Variants in UST observed in about 807,000 individuals in gnomAD.
The protein encoded by UST is uronyl 2-sulfotransferase.
In UST, 21 loss-of-function variants were observed where a neutral mutation model predicts 45.6. The ratio of observed to expected loss-of-function variants is 0.46; its 90% CI spans 0.33 to 0.66. The LOEUF is 0.66. Among genes scored for constraint, UST ranks in the 30% least tolerant of loss-of-function variants. The probability of loss-of-function intolerance (pLI) is 0.02; values close to 1 mark genes in which losing one functional copy is unlikely to be tolerated. For missense variants in UST, 463 were observed against 512.4 expected (o/e 0.90, Z 0.93); for synonymous variants, 215 against 200.6 (o/e 1.07, Z -0.61).
chr6:149,035,477 G>A (rs1012035259), intron 7 of UST, among the ~76,000 whole-genome samples: 8 of 152,056 alleles, frequency 5.3e-5, no homozygotes, highest in Admixed American at 3.3e-4. Flanking sequence ...AATTGCAGCC[G>A]GACATGGTGG....
chr6:149,004,670 G>A (rs1317398135), intron 5 of UST, among the ~76,000 whole-genome samples: 1 of 152,192 alleles, frequency 6.6e-6, no homozygotes, highest in Non-Finnish European at 1.5e-5. Flanking sequence ...AGATGAACCA[G>A]GAGTACTGAG....
chr6:148,763,885 T>C (rs1320518304), intron 1 of UST, among the ~76,000 whole-genome samples: 1 of 152,214 alleles, frequency 6.6e-6, no homozygotes. Flanking sequence ...ACCATGCTGT[T>C]TTGGTTACTA....
intron 3 of UST, among the ~76,000 whole-genome samples, chr6:148,946,672 G>A (rs1780245080): frequency 6.6e-6 from 1 of 150,578 alleles, no homozygotes; most frequent in Non-Finnish European, 1.5e-5. Flanking sequence ...AAATTAGCCG[G>A]GCGTGGTGGC....
At chr6:148,794,943 G>A (rs1027328271) in intron 1 of UST, among the ~76,000 whole-genome samples, 26 of 152,090 alleles carry the variant, frequency 1.7e-4, no homozygotes, top group Non-Finnish European at 2.8e-4. Context: ...CCTCTTTGAC[G>A]GCTGCGTTGT....
chr6:148,983,646 G>T (rs527519189), intron 5 of UST, among the ~76,000 whole-genome samples: 1 of 152,300 alleles, frequency 6.6e-6, no homozygotes, highest in African/African-American at 2.4e-5. Flanking sequence ...CAGGAAAAGC[G>T]AATGTAGGAA....
chr6:148,896,318 G>C (rs746650214), intron 2 of UST, among the ~76,000 whole-genome samples: 2 of 152,156 alleles, frequency 1.3e-5, no homozygotes, highest in Non-Finnish European at 2.9e-5. Flanking sequence ...CCATCCACCT[G>C]GTTTTCCTCT....
chr6:148,771,040 A>T lies in UST; in HGVS notation c.247+23363A>T, dbSNP rs117871201. On this transcript the variant is annotated intron_variant, in intron 1 of 7. Transcript: ENST00000367463. ...GTGATGTCACTGTGCCTTGTTGCTG[A>T]CATTTTCCTGTTATGATAGCCTTCT... is the stretch of plus-strand genomic sequence containing the variant. 6.8e-3 allele frequency among the ~76,000 whole-genome samples: 1,034 copies of T among 152,278 alleles called. 5 individuals carry two copies. The highest frequency in any genetic ancestry group is 0.034 in the Middle Eastern group (10 of 294).
intron 7 of UST, among the ~76,000 whole-genome samples, chr6:149,033,801 T>G (rs903443563): frequency 1.3e-4 from 20 of 152,224 alleles, no homozygotes; most frequent in African/African-American, 4.8e-4. Context: ...CTCCCTGCAT[T>G]TTTTGCTATA....
intron 1 of UST, among the ~76,000 whole-genome samples, chr6:148,789,394 T>C (rs1395204745): frequency 6.6e-6 from 1 of 151,750 alleles, no homozygotes; most frequent in Non-Finnish European, 1.5e-5. Context: ...AACCACACTT[T>C]TGAGTAGCAA....
intron 2 of UST, among the ~76,000 whole-genome samples, chr6:148,900,096 A>G (rs1418644654): frequency 6.6e-6 from 1 of 152,174 alleles, no homozygotes; most frequent in Non-Finnish European, 1.5e-5. Flanking sequence ...ATTTATTTAC[A>G]TACTTTTCTA....
At chr6:148,932,403 C>G (rs1779938831) in intron 2 of UST, among the ~76,000 whole-genome samples, 1 of 152,126 alleles carries the variant, frequency 6.6e-6, no homozygotes, top group Non-Finnish European at 1.5e-5. Flanking sequence ...CTGTAACATT[C>G]TGTGGTAATG....
At chr6:149,023,263 C>T (rs1582963923) in intron 7 of UST, among the ~76,000 whole-genome samples, 1 of 152,038 alleles carries the variant, frequency 6.6e-6, no homozygotes, top group African/African-American at 2.4e-5. Flanking sequence ...ATTATGGCTT[C>T]CAACTTTGTT....
At chr6:148,825,436 C>G (rs1345425530) in intron 1 of UST, among the ~76,000 whole-genome samples, 1 of 152,152 alleles carries the variant, frequency 6.6e-6, no homozygotes, top group Non-Finnish European at 1.5e-5. Flanking sequence ...AAGTTAGATA[C>G]AAAACATTTT....
intron 1 of UST, among the ~76,000 whole-genome samples, chr6:148,864,724 T>C (rs1160994484): frequency 6.6e-6 from 1 of 152,234 alleles, no homozygotes; most frequent in African/African-American, 2.4e-5. Flanking sequence ...TTAATAGTTA[T>C]CCTTGGTTGT....
chr6:149,040,835 C>T, intron 7 of UST, among the ~76,000 whole-genome samples: 1 of 152,112 alleles, frequency 6.6e-6, no homozygotes, highest in East Asian at 1.9e-4. Context: ...CTCCCAAGGC[C>T]TCTCCTTACT....
At chr6:149,042,423 G>T (rs1311443594) in intron 7 of UST, among the ~76,000 whole-genome samples, 2 of 152,222 alleles carry the variant, frequency 1.3e-5, no homozygotes, top group African/African-American at 4.8e-5. Context: ...TGGGCAGAGG[G>T]TTAAATCTTG....
At chr6:148,765,820 C>T (rs190618293) in intron 1 of UST, among the ~76,000 whole-genome samples, 136 of 152,308 alleles carry the variant, frequency 8.9e-4, no homozygotes, top group Middle Eastern at 3.4e-3. Flanking sequence ...CCTGTCCCTC[C>T]GTTCGGGGTC....
chr6:149,006,939 G>A (rs1775716268), intron 5 of UST, among the ~76,000 whole-genome samples: 1 of 152,026 alleles, frequency 6.6e-6, no homozygotes, highest in Non-Finnish European at 1.5e-5. Context: ...ATTATCTTCT[G>A]TCTGTAGTTG....
chr6:149,043,275 T>G (rs2115032477), intron 7 of UST, among the ~76,000 whole-genome samples: 1 of 151,166 alleles, frequency 6.6e-6, no homozygotes, highest in East Asian at 2.0e-4. Flanking sequence ...CATACCCACT[T>G]ATTTTGTTTA....
Sources: gnomAD v4.1 joint callset for allele counts (sites outside exome capture counted in the v4.1 genomes callset) on GRCh38, gnomAD v4.1.1 for gene constraint, MANE v1.5 for transcripts, NCBI Gene and HGNC (gene_info 2026-07-23, HGNC 2026-07-21) for gene names.